MTNR1A: variants seen among roughly 807,000 people sequenced by gnomAD.
The protein encoded by MTNR1A is melatonin receptor 1A, also known as melatonin receptor type 1A.
MTNR1A carries 7 observed loss-of-function variants against 5.5 expected under a neutral mutation model. The ratio of observed to expected loss-of-function variants is 1.28; its 90% CI spans 0.73 to 2.40. MTNR1A has a LOEUF of 2.40. Among genes scored for constraint, MTNR1A ranks in the 30% most tolerant of loss-of-function variants. The pLI is 0.00. For synonymous variants in MTNR1A, 196 were observed against 202.7 expected (o/e 0.97, Z 0.28); for missense variants, 441 against 464.4 (o/e 0.95, Z 0.46).
chr4:186,537,083 TAG>T lies in MTNR1A; in HGVS notation c.185-2528_185-2527del, dbSNP rs879848275. ...CGAATACCCTGCTTCATTTATTTTATAGTAATTATGTTGCATTACAATTCAAG... is the reference window on the plus strand; with the variant it reads ...CGAATACCCTGCTTCATTTATTTTATTAATTATGTTGCATTACAATTCAAG... On this transcript the variant is annotated intron_variant, in intron 1 of 1. Transcript: ENST00000307161. Among the ~76,000 whole-genome samples the T allele has an allele frequency of 3.4e-3, 523 of 152,334 alleles. 2 individuals carry two copies. Among genetic ancestry groups the T allele is most frequent in the Non-Finnish European group, 5.4e-3 (364 of 68,034 alleles).
intron 1 of MTNR1A, among the ~76,000 whole-genome samples, chr4:186,541,109 C>T (rs1034375609): frequency 2.0e-4 from 31 of 152,170 alleles, no homozygotes; most frequent in African/African-American, 6.8e-4. Context: ...CTCATGAGGA[C>T]GTGCCCCTGA....
chr4:186,552,553 G>A (rs1008194183), intron 1 of MTNR1A, among the ~76,000 whole-genome samples: 6 of 152,136 alleles, frequency 3.9e-5, no homozygotes, highest in Non-Finnish European at 1.5e-5. Flanking sequence ...AACAGAGCAC[G>A]CCCTTGTTAG....
chr4:186,537,223 T>A (rs928851881), intron 1 of MTNR1A, among the ~76,000 whole-genome samples: 1 of 152,196 alleles, frequency 6.6e-6, no homozygotes, highest in African/African-American at 2.4e-5. Context: ...GTAGCTCACA[T>A]AAAGCTTTAG....
chr4:186,534,454 G>A lies in MTNR1A; in HGVS notation c.288C>T (p.Gly96=), dbSNP rs768872673. Residue 96 remains glycine, a synonymous_variant, in exon 2 of 2, where the codon GGC becomes GGT. Transcript: ENST00000307161. ...MSIFNNGWNL[G]YLHCQVSGFL... ...ACCCACTGACTTGGCAGTGCAGATA[G>A]CCCAGGTTCCACCCGTTGTTAAATA... The A allele has an allele frequency of 1.7e-5, 28 of 1,614,140 alleles. No homozygotes were observed. Among genetic ancestry groups the A allele is most frequent in the Non-Finnish European group, 2.4e-5 (28 of 1,180,028 alleles).
At chr4:186,550,573 C>T (rs948092591) in intron 1 of MTNR1A, among the ~76,000 whole-genome samples, 5 of 151,326 alleles carry the variant, frequency 3.3e-5, no homozygotes, top group Admixed American at 6.6e-5. Flanking sequence ...AGTGTAGATG[C>T]TTTTTAAAAC....
intron 1 of MTNR1A, among the ~76,000 whole-genome samples, chr4:186,537,579 G>C (rs1736888884): frequency 1.3e-5 from 2 of 152,206 alleles, no homozygotes; most frequent in African/African-American, 4.8e-5. Context: ...TGTTAAAATT[G>C]AGAGATGGGT....
intron 1 of MTNR1A, among the ~76,000 whole-genome samples, chr4:186,536,340 C>A (rs1736849185): frequency 6.7e-6 from 1 of 150,080 alleles, no homozygotes; most frequent in African/African-American, 2.5e-5. Flanking sequence ...GAGCAAAACT[C>A]CGTATCAAAA....
At chr4:186,542,468 C>T (rs1184129244) in intron 1 of MTNR1A, among the ~76,000 whole-genome samples, 1 of 152,184 alleles carries the variant, frequency 6.6e-6, no homozygotes, top group Non-Finnish European at 1.5e-5. Context: ...TGGGAATTCA[C>T]TGCCCTTACC....
chr4:186,535,809 T>C, intron 1 of MTNR1A, among the ~76,000 whole-genome samples: 1 of 152,160 alleles, frequency 6.6e-6, no homozygotes, highest in Non-Finnish European at 1.5e-5. Flanking sequence ...CTCGAATGGC[T>C]CCTCACATCA....
At chr4:186,554,640 G>A (rs1737332063) in intron 1 of MTNR1A, among the ~76,000 whole-genome samples, 1 of 152,274 alleles carries the variant, frequency 6.6e-6, no homozygotes, top group East Asian at 1.9e-4. Context: ...CGTTTTTAAA[G>A]TGTCAACTTG....
At chr4:186,549,874 A>G (rs914500143) in intron 1 of MTNR1A, among the ~76,000 whole-genome samples, 2 of 152,190 alleles carry the variant, frequency 1.3e-5, no homozygotes, top group Non-Finnish European at 2.9e-5. Context: ...GTTCAGCTCA[A>G]TAAGCACCAA....
At chr4:186,543,135 T>A (rs1032314503) in intron 1 of MTNR1A, among the ~76,000 whole-genome samples, 9 of 152,178 alleles carry the variant, frequency 5.9e-5, no homozygotes, top group African/African-American at 1.7e-4. Context: ...GAGTGCCACC[T>A]GCTATTTGGG....
At chr4:186,543,205 G>T in intron 1 of MTNR1A, among the ~76,000 whole-genome samples, 1 of 152,224 alleles carries the variant, frequency 6.6e-6, no homozygotes, top group East Asian at 1.9e-4. Flanking sequence ...ACCGTGTTTA[G>T]TCCTGATCAT....
At chr4:186,549,113 T>C (rs958180713) in intron 1 of MTNR1A, among the ~76,000 whole-genome samples, 1 of 151,796 alleles carries the variant, frequency 6.6e-6, no homozygotes, top group African/African-American at 2.4e-5. Context: ...TGAAACAAAA[T>C]CGTGTCCTAA....
At chr4:186,543,179 G>C (rs1293181444) in intron 1 of MTNR1A, among the ~76,000 whole-genome samples, 1 of 152,210 alleles carries the variant, frequency 6.6e-6, no homozygotes, top group Non-Finnish European at 1.5e-5. Context: ...AGACAAGGAG[G>C]GGGGTTACTG....
At chr4:186,552,366 A>C (rs1269708883) in intron 1 of MTNR1A, among the ~76,000 whole-genome samples, 1 of 152,146 alleles carries the variant, frequency 6.6e-6, no homozygotes, top group African/African-American at 2.4e-5. Flanking sequence ...CATTTTTGCT[A>C]ATTTCCATTT....
At chr4:186,535,948 T>G (rs769782244) in intron 1 of MTNR1A, among the ~76,000 whole-genome samples, 5 of 152,190 alleles carry the variant, frequency 3.3e-5, no homozygotes, top group African/African-American at 4.8e-5. Context: ...ATACTGCTTT[T>G]TACTCAGATT....
intron 1 of MTNR1A, among the ~76,000 whole-genome samples, chr4:186,544,698 A>G (rs1264030818): frequency 2.6e-5 from 4 of 152,184 alleles, no homozygotes; most frequent in African/African-American, 9.7e-5. Flanking sequence ...GCAATGATTA[A>G]CCCTGCGGAC....
chr4:186,534,403 G>A lies in MTNR1A; in HGVS notation c.339C>T (p.Gly113=). 6 of 1,614,106 alleles carry A rather than the reference G, an allele frequency of 3.7e-6. No individual in the cohort carries two copies. The highest frequency in any genetic ancestry group is 5.1e-6 in the Non-Finnish European group (6 of 1,180,028). The change falls in exon 2 of 2, where the codon GGC becomes GGT. Residue 113 remains glycine, a synonymous_variant. Coordinates refer to ENST00000307161, the MANE Select transcript of MTNR1A (RefSeq NM_005958.4). ...SGFLMGLSVI[G]SIFNITGIAI... is the part of the protein sequence containing the mutation. ...CGATGCCGGTGATGTTGAATATGGA[G>A]CCGATGACGCTCAGGCCCATCAGGA...
Sources: allele counts gnomAD v4.1 joint callset (sites outside exome capture counted in the v4.1 genomes callset), GRCh38; gene constraint gnomAD v4.1.1; transcripts MANE v1.5; gene names NCBI Gene and HGNC (gene_info 2026-07-23, HGNC 2026-07-21).